Variants in EP400 observed in about 807,000 individuals in gnomAD.
The protein encoded by EP400 is E1A-binding protein p400.
EP400 carries 105 observed loss-of-function variants against 354.1 expected under a neutral mutation model. That is an observed-to-expected ratio of 0.30 (90% CI 0.25 to 0.35). The LOEUF (loss-of-function observed/expected upper bound fraction) is 0.35. Ranked by LOEUF, EP400 falls within the 10% of genes least tolerant of loss-of-function variation. The pLI is 1.00. For missense variants in EP400, 3,280 were observed against 4,121.0 expected, an observed-to-expected ratio of 0.80 and a Z score of 5.59; for synonymous variants, 1,646 against 1,716.9, an observed-to-expected ratio of 0.96 and a Z score of 1.02.
Position 132,018,424 on chromosome 12 carries a change from C to T in EP400, c.4277+48C>T. 6.4e-7 allele frequency: 1 copy of T among 1,558,806 alleles called. No homozygotes were observed. ...GGGGAGGGTTGGCTCCCAGGGCCCC[C>T]ACAGCTGACCCAGGTCTATGCGTGG... On this transcript the variant is annotated intron_variant, in intron 21 of 52. Transcript: ENST00000389561. This position sits in a 1 kb window ranked among gnomAD's most constrained non-coding sequence, Gnocchi z 4.0.
At position 131,987,211 on chromosome 12, in the gene EP400, T is replaced by C. The variant is rs1231662672; in HGVS notation, c.2223+404T>C. On this transcript the variant is annotated intron_variant, in intron 6 of 52. Transcript: ENST00000389561. ...TTACTTTGGGTTGGATGACTAAGCA[T>C]TTATTTTGTTCAACTTCATTAGGGG... 2.0e-5 allele frequency among the ~76,000 whole-genome samples: 3 copies of C among 152,224 alleles called. No homozygotes were observed. The East Asian group carries it at 5.8e-4, about 29-fold the overall frequency.
Position 132,006,843 on chromosome 12 carries a change from C to T in EP400, c.3270C>T (p.Ile1090=). The change falls in exon 15 of 53, where the codon ATC becomes ATT. Residue 1090 remains isoleucine (I), a synonymous_variant. Coordinates refer to ENST00000389561, the MANE Select transcript of EP400 (RefSeq NM_015409.5). ...CTGGGCTGGGTAAAACAGTGCAGATCATTGCTTTTTTTGCCCACCTAGCTT... is the reference window on the plus strand; with the variant it reads ...CTGGGCTGGGTAAAACAGTGCAGATTATTGCTTTTTTTGCCCACCTAGCTT... ...DEAGLGKTVQ[I]IAFFAHLACN... The T allele has an allele frequency of 6.2e-7, 1 of 1,613,666 alleles. No individual in the cohort carries two copies. The highest frequency in any genetic ancestry group is 8.5e-7 in the Non-Finnish European group (1 of 1,179,934).
chr12:132,059,576 A>G (rs534393616), intron 45 of EP400, among the ~76,000 whole-genome samples: 3 of 152,374 alleles, frequency 2.0e-5, no homozygotes, highest in Admixed American at 6.5e-5. Context: ...ATAGTTTTCT[A>G]GTATAATACA....
rs1895252508 is a variant in EP400, at chr12:132,050,462, A to G, written c.7337+3A>G. The G allele has an allele frequency of 6.2e-7, 1 of 1,614,002 alleles. No individual in the cohort carries two copies. The highest frequency in any genetic ancestry group is 8.5e-7 in the Non-Finnish European group (1 of 1,180,028). On this transcript the variant is annotated splice_donor_region_variant and intron_variant, in intron 40 of 52. Transcript: ENST00000389561. This position sits in a 1 kb window ranked among gnomAD's most constrained non-coding sequence, Gnocchi z 4.8. ...AGGAGTCCCCCAATCAAACCTCTGT[A>G]TGTTTCCTGAGTGCTCATTTTATGT...
intron 27 of EP400, among the ~76,000 whole-genome samples, chr12:132,028,526 G>A (rs1894382157): frequency 6.6e-6 from 1 of 152,214 alleles, no homozygotes; most frequent in Non-Finnish European, 1.5e-5. Context: ...TGGGGGCAGA[G>A]CCGCAGCACT....
rs1035542359 is a variant in EP400 at position 132,079,457 on chromosome 12, C to T, written c.*1784C>T. The T allele has an allele frequency of 2.0e-5, 3 of 152,268 alleles. No individual in the cohort carries two copies. Among genetic ancestry groups the T allele is most frequent in the African/African-American group, 7.2e-5 (3 of 41,466 alleles). The allele number at this position is 152,268 out of a possible 1,614,324, so 9.4% of individuals were successfully genotyped here. On this transcript the variant is annotated 3_prime_UTR_variant, in exon 53 of 53. Coordinates refer to ENST00000389561, the MANE Select transcript of EP400 (RefSeq NM_015409.5). ...GTGGAAACTTTTACTCCTCCTCATC[C>T]GCAGATGTGATAGAACTGAAGTATC...
chr12:131,957,647 G>A (rs1353774466), intron 1 of EP400, among the ~76,000 whole-genome samples: 1 of 151,624 alleles, frequency 6.6e-6, no homozygotes, highest in Non-Finnish European at 1.5e-5. Context: ...CCAGGCTGGA[G>A]TGCAATGGCT....
At chr12:132,015,838 CG>C (rs1479409268) in intron 19 of EP400, among the ~76,000 whole-genome samples, 4 of 152,166 alleles carry the variant, frequency 2.6e-5, no homozygotes, top group African/African-American at 9.7e-5. Flanking sequence ...TGGTGCTTGA[CG>C]GGATCCTTGG....
Position 131,990,810 on chromosome 12 carries a change from A to G in EP400, c.2629+96A>G. On this transcript the variant is annotated intron_variant, in intron 9 of 52. Coordinates refer to ENST00000389561, the MANE Select transcript of EP400 (RefSeq NM_015409.5). This position sits in a 1 kb window ranked among gnomAD's most constrained non-coding sequence, Gnocchi z 4.2. ...GTCTCCTGGCGCTGTGGCTTCCCAC[A>G]GAGGACATCTGCTCATCAGCCAGCT... 2.4e-6 allele frequency: 2 copies of G among 843,876 alleles called. No homozygotes were observed. The highest frequency in any genetic ancestry group is 1.9e-6 in the Non-Finnish European group (1 of 517,702). The allele number at this position is 843,876 out of a possible 1,614,324, so 52.3% of individuals were successfully genotyped here. A position where few individuals can be genotyped will look rare whatever the true frequency, so the allele number is the denominator to read the frequency against.
In EP400 at chr12:132,021,245, C is replaced by A. The variant is rs752911505; in HGVS notation, c.4614C>A (p.Ala1538=). ...TPGQPPPQPQ[A]PSHAAGQSAL... ...GCCAGCCCCCGCCCCAGCCCCAGGC[C>A]CCCTCGCACGCGGCCGGGCAGAGCG... Residue 1538 remains alanine (A), a synonymous_variant, in exon 23 of 53, where the codon GCC becomes GCA. Transcript: ENST00000389561. The A allele has an allele frequency of 1.2e-5, 18 of 1,552,310 alleles. No individual in the cohort carries two copies. Among genetic ancestry groups the A allele is most frequent in the Non-Finnish European group, 1.6e-5 (18 of 1,155,508 alleles).
At chr12:131,969,509 C>T (rs910091599) in intron 2 of EP400, among the ~76,000 whole-genome samples, 1 of 152,122 alleles carries the variant, frequency 6.6e-6, no homozygotes, top group Non-Finnish European at 1.5e-5. Flanking sequence ...CTCAGGTTAT[C>T]TGTGATTGGC....
intron 24 of EP400, among the ~76,000 whole-genome samples, chr12:132,024,488 A>G (rs1387076273): frequency 6.6e-6 from 1 of 152,226 alleles, no homozygotes; most frequent in Non-Finnish European, 1.5e-5. Flanking sequence ...ATTTTCTTCT[A>G]TCAGCAGACT....
At chr12:132,076,341 A>G (rs1896238307) in intron 51 of EP400, 175 bp from the exon 52 acceptor site, 2 of 711,810 alleles carry the variant, frequency 2.8e-6, no homozygotes, top group Admixed American at 4.0e-5. Flanking sequence ...CTCACCATGC[A>G]GTGGAACGAC....
At chr12:132,031,786 A>C (rs1231616125) in intron 29 of EP400, among the ~76,000 whole-genome samples, 167 bp from the exon 30 acceptor site, 1 of 151,916 alleles carries the variant, frequency 6.6e-6, no homozygotes, top group Non-Finnish European at 1.5e-5. Flanking sequence ...CGATCTGCTG[A>C]CCTTGTGATC....
At chr12:131,963,200 T>C (rs547941575) in intron 2 of EP400, among the ~76,000 whole-genome samples, 1 of 152,332 alleles carries the variant, frequency 6.6e-6, no homozygotes, top group African/African-American at 2.4e-5. Context: ...ACCCTACATA[T>C]AACAGAGTGG....
rs141488405 is a variant in EP400, at chr12:132,034,437, C to T, written c.5951+2288C>T. ...AAAATTTAATATATTTTTGTGAAAA[C>T]GCTCCTCATGGGTGTGAAGGTTCTA... is the stretch of plus-strand genomic sequence containing the variant. On this transcript the variant is annotated intron_variant, in intron 30 of 52. Coordinates refer to ENST00000389561, the MANE Select transcript of EP400 (RefSeq NM_015409.5). Among the ~76,000 whole-genome samples, 19 of 152,250 alleles carry T rather than the reference C, an allele frequency of 1.2e-4. No individual in the cohort carries two copies. In the East Asian group the frequency reaches 3.7e-3, roughly 29 times the overall value.
chr12:131,995,280 G>A (rs1409906907), intron 12 of EP400, among the ~76,000 whole-genome samples: 1 of 151,918 alleles, frequency 6.6e-6, no homozygotes, highest in Non-Finnish European at 1.5e-5. Context: ...TCCTGAGTGT[G>A]TGAGAACTTC....
In EP400 at chr12:132,032,185, A is replaced by G. The variant is rs765547625; in HGVS notation, c.5951+36A>G. ...GCGGGGGATAGGATCAGGAGATGCA[A>G]AGACATCCACATATACAGGTGAGGG... On this transcript the variant is annotated intron_variant, in intron 30 of 52. Coordinates refer to ENST00000389561, the MANE Select transcript of EP400 (RefSeq NM_015409.5). The G allele has an allele frequency of 6.3e-6, 10 of 1,589,754 alleles. No homozygotes were observed. In the South Asian group the frequency reaches 8.0e-5, roughly 13 times the overall value.
At chr12:132,053,922 C>T (rs1270059179) in intron 43 of EP400, among the ~76,000 whole-genome samples, 2 of 152,164 alleles carry the variant, frequency 1.3e-5, no homozygotes, top group Non-Finnish European at 2.9e-5. Flanking sequence ...ATACCTGTGA[C>T]GCATTCACTT....
Sources: gnomAD v4.1 joint callset for allele counts (sites outside exome capture counted in the v4.1 genomes callset) on GRCh38, gnomAD v4.1.1 for gene constraint, Gnocchi (gnomAD v3.1) non-coding constraint, MANE v1.5 for transcripts, NCBI Gene and HGNC (gene_info 2026-07-23, HGNC 2026-07-21) for gene names.